The following PUM3 variants were observed in gnomAD, a reference collection of about 807,000 sequenced individuals.
PUM3 encodes the protein pumilio RNA binding family member 3, also known as pumilio homolog 3.
Under a neutral mutation model 84.0 loss-of-function variants are expected in PUM3, and 91 were observed. The ratio of observed to expected loss-of-function variants is 1.08; its 90% CI spans 0.91 to 1.29. The LOEUF (loss-of-function observed/expected upper bound fraction) is 1.29, where lower values mean the gene tolerates loss of function less well. PUM3 is among the 50% of genes most tolerant of loss of function. The probability of loss-of-function intolerance (pLI) is 0.00; values close to 1 mark genes in which losing one functional copy is unlikely to be tolerated. For missense variants in PUM3, 1,067 were observed against 767.5 expected (o/e 1.39, Z -4.61); for synonymous variants, 321 against 266.7 (o/e 1.20, Z -1.98).
At chr9:2,841,421 T>C (rs1422457238) in intron 1 of PUM3, among the ~76,000 whole-genome samples, 2 of 152,000 alleles carry the variant, frequency 1.3e-5, no homozygotes, top group Non-Finnish European at 2.9e-5. Flanking sequence ...AAAATTTAGC[T>C]GGGCATGGTG....
Position 2,804,404 on chromosome 9 carries a change from A to G in PUM3, c.1874T>C (p.Leu625Ser), listed in dbSNP as rs149753101. Residue 625 changes from leucine (L) to serine (S), a missense_variant, in exon 18 of 18, where the codon TTG becomes TCG. Leu to Ser is a moderately radical substitution (Grantham distance 145). Transcript: ENST00000397885. ...ANKVKAALKS[L>S]IPTLEKTKST... ...TTTGGTTTTTTCCAATGTAGGAATC[A>G]AGCTTTTCAGTGCAGCTTTGACTTT... is the stretch of plus-strand genomic sequence containing the variant. The G allele has an allele frequency of 4.8e-4, 777 of 1,614,056 alleles. 3 individuals carry two copies. Among genetic ancestry groups the G allele is most frequent in the South Asian group, 1.3e-3 (119 of 91,062 alleles).
At chr9:2,841,086 TC>T (rs1816253814) in intron 1 of PUM3, among the ~76,000 whole-genome samples, 1 of 152,232 alleles carries the variant, frequency 6.6e-6, no homozygotes. Context: ...TCCAGGCATC[TC>T]CTCTTGCTCA....
At position 2,820,928 on chromosome 9, in the gene PUM3, G is replaced by A. The variant is rs894382246; in HGVS notation, c.1189-830C>T. On this transcript the variant is annotated intron_variant, in intron 12 of 17. Coordinates refer to ENST00000397885, the MANE Select transcript of PUM3 (RefSeq NM_014878.5). ...AAGAAAACAAAAACCTGTTTCCAGAGCTTGTGGCATGAGTATCCTGGATGT... is the reference window on the plus strand; with the variant it reads ...AAGAAAACAAAAACCTGTTTCCAGAACTTGTGGCATGAGTATCCTGGATGT... Among the ~76,000 whole-genome samples, 8 of 152,140 alleles carry A rather than the reference G, an allele frequency of 5.3e-5. No individual in the cohort carries two copies. The South Asian group carries it at 6.2e-4, about 12-fold the overall frequency.
rs750436963 is a variant in PUM3, at chr9:2,833,402, C to A, written c.471G>T (p.Lys157Asn). Residue 157 changes from lysine (K) to asparagine (N), a missense_variant, in exon 5 of 18, where the codon AAG (lysine) becomes AAT (asparagine). Transcript: ENST00000397885. Reference sequence around the variant, plus strand: ...TCAACTTCTGCAAATCACTCATTAACTTTACTCTTTTTTCTTTGTCACAGT... The same window carrying A: ...TCAACTTCTGCAAATCACTCATTAAATTTACTCTTTTTTCTTTGTCACAGT... ...RKDCDKEKRVKLMSDLQKLIQ... is the reference protein window; with the variant it reads ...RKDCDKEKRVNLMSDLQKLIQ... The A allele has an allele frequency of 4.4e-6, 7 of 1,590,256 alleles. No homozygotes were observed. Among genetic ancestry groups the A allele is most frequent in the Non-Finnish European group, 6.0e-6 (7 of 1,161,002 alleles).
At chr9:2,820,156 T>C (rs1821559186) in intron 12 of PUM3, 58 bp from the exon 13 acceptor site, 1 of 1,011,822 alleles carries the variant, frequency 9.9e-7, no homozygotes, top group Non-Finnish European at 1.6e-6. Flanking sequence ...TTCCCTCTTA[T>C]TTCACACATG....
At chr9:2,828,343 C>T (rs944192495) in intron 9 of PUM3, 8 of 211,126 alleles carry the variant, frequency 3.8e-5, no homozygotes, top group Admixed American at 1.7e-4. Context: ...ACCTTGCCTA[C>T]AACCAAATTT....
chr9:2,810,385 A>G lies in PUM3; in HGVS notation c.1682T>C (p.Leu561Ser). Reference protein sequence around the residue: ...HPAGHLVLKWLIEQDKKMKEN... With the variant: ...HPAGHLVLKWSIEQDKKMKEN... ...TTTCATCTTTTTATCTTGCTCTATT[A>G]ACCACTTCAGAACTAGATGTCCTGC... Residue 561 changes from leucine to serine, a missense_variant, in exon 16 of 18, where the codon TTA becomes TCA. By Grantham distance (145) the Leu-to-Ser change is moderately radical. Coordinates refer to ENST00000397885, the MANE Select transcript of PUM3 (RefSeq NM_014878.5). The G allele has an allele frequency of 6.2e-7, 1 of 1,612,446 alleles. No individual in the cohort carries two copies. Among genetic ancestry groups the G allele is most frequent in the Non-Finnish European group, 8.5e-7 (1 of 1,178,890 alleles).
In PUM3 at chr9:2,839,189, A is replaced by T. The variant is rs201248327; in HGVS notation, c.-10-672T>A. On this transcript the variant is annotated intron_variant, in intron 1 of 17. Coordinates refer to ENST00000397885, the MANE Select transcript of PUM3 (RefSeq NM_014878.5). ...TGAGACACCATGGTGCACAGGATAA[A>T]CAAGTTATAACCCCTCACCTACCCA... Among the ~76,000 whole-genome samples, 9 of 152,316 alleles carry T rather than the reference A, an allele frequency of 5.9e-5. No homozygotes were observed. The East Asian group carries it at 1.7e-3, about 29-fold the overall frequency.
intron 17 of PUM3, among the ~76,000 whole-genome samples, chr9:2,806,296 C>T (rs766156565): frequency 6.6e-6 from 1 of 152,170 alleles, no homozygotes; most frequent in Non-Finnish European, 1.5e-5. Context: ...GACTGTTTAA[C>T]ATCAACTGGA....
In PUM3 at chr9:2,834,142, C is replaced by T. The variant is rs749788204; in HGVS notation, c.329G>A (p.Trp110Ter). The T allele has an allele frequency of 3.1e-6, 5 of 1,612,774 alleles. No homozygotes were observed. The East Asian group carries it at 1.1e-4, about 36-fold the overall frequency. Residue 110 changes from tryptophan to a stop codon, truncating the protein, a stop_gained, in exon 4 of 18, where the codon TGG becomes TAG. Coordinates refer to ENST00000397885, the MANE Select transcript of PUM3 (RefSeq NM_014878.5). LOFTEE classifies it high-confidence loss of function. Reference sequence around the variant, plus strand: ...TTTCTTCTTCTTTTTGAAGTCATCCCATTTGGGCTTCTTGGCTGCTGATTC... The same window carrying T: ...TTTCTTCTTCTTTTTGAAGTCATCCTATTTGGGCTTCTTGGCTGCTGATTC... The part of the protein sequence containing the change: ...SDESAAKKPK[W>*]DDFKKKKKEL...
chr9:2,812,171 C>CAACATT (rs774874045), intron 14 of PUM3, 49 bp downstream of exon 14: 1 of 1,541,448 alleles, frequency 6.5e-7, no homozygotes, highest in Non-Finnish European at 9.0e-7. Context: ...ATGCACTACT[C>CAACATT]AACATTAACA....
At chr9:2,819,972 T>G (rs937367384) in intron 13 of PUM3, 46 bp downstream of exon 13, 1 of 1,260,914 alleles carries the variant, frequency 7.9e-7, no homozygotes, top group East Asian at 2.3e-5. Flanking sequence ...CATCCACAAC[T>G]GGTTTATCGA....
At chr9:2,810,095 AGGGGGCGGTGG>A (rs2129789841) in intron 16 of PUM3, among the ~76,000 whole-genome samples, 1 of 8,856 alleles carries the variant, frequency 1.1e-4, no homozygotes, top group South Asian at 3.2e-3. Flanking sequence ...AGAGAGAGTG[AGGGGGCGGTGG>A]GGGGGGCTGG....
rs1418740043 is a variant in PUM3, at chr9:2,811,552, G to T, written c.1444C>A (p.Leu482Ile). 2 of 1,614,050 alleles carry T rather than the reference G, an allele frequency of 1.2e-6. No homozygotes were observed. The highest frequency in any genetic ancestry group is 1.6e-4 in the Middle Eastern group (1 of 6,062). The change falls in exon 15 of 18, where the codon CTC becomes ATC. Residue 482 changes from leucine to isoleucine, a missense_variant. Physicochemically the swap from Leu to Ile is conservative, Grantham distance 5 (BLOSUM62 2). Transcript: ENST00000397885. ...AAAGCTGGAGAAATGGATTCTAGGA[G>T]CTCCCGTCTGCGGACCTCTGTATCT... is the stretch of plus-strand genomic sequence containing the variant. ...KKDTEVRRRE[L>I]LESISPALLS... is the part of the protein sequence containing the mutation.
intron 3 of PUM3, among the ~76,000 whole-genome samples, chr9:2,835,909 T>G (rs1163719369): frequency 6.6e-6 from 1 of 152,134 alleles, no homozygotes; most frequent in African/African-American, 2.4e-5. Context: ...GAGAAATTAA[T>G]GTATATGTGT....
intron 13 of PUM3, 108 bp from the exon 14 acceptor site, chr9:2,812,470 G>A (rs987268461): frequency 1.4e-6 from 1 of 724,568 alleles, no homozygotes; most frequent in Non-Finnish European, 2.2e-6. Flanking sequence ...GCAAGGAACT[G>A]ATAATTTCCT....
chr9:2,811,704 T>TAA, intron 14 of PUM3, 121 bp from the exon 15 acceptor site: 1 of 670,104 alleles, frequency 1.5e-6, no homozygotes, highest in Non-Finnish European at 2.5e-6. Context: ...TATTATTGTC[T>TAA]ATCTTTCTGT....
intron 12 of PUM3, among the ~76,000 whole-genome samples, chr9:2,822,892 T>C (rs994646541): frequency 2.6e-5 from 4 of 151,574 alleles, no homozygotes; most frequent in African/African-American, 9.7e-5. Context: ...TTCTAATTTC[T>C]AGCCCAACAG....
At chr9:2,813,492 G>T (rs1453013920) in intron 13 of PUM3, among the ~76,000 whole-genome samples, 1 of 152,184 alleles carries the variant, frequency 6.6e-6, no homozygotes, top group African/African-American at 2.4e-5. Flanking sequence ...CCAGAAAGAG[G>T]AAAGGATCTG....
Sources: gnomAD v4.1 joint callset for allele counts (sites outside exome capture counted in the v4.1 genomes callset) on GRCh38, gnomAD v4.1.1 for gene constraint, MANE v1.5 for transcripts, NCBI Gene and HGNC (gene_info 2026-07-23, HGNC 2026-07-21) for gene names.